The following TMEM39A variants were observed in gnomAD, a reference collection of about 807,000 sequenced individuals.
TMEM39A encodes the protein transmembrane protein 39A, also known as suppressor of SQST-1 aggregates in rpl-43 mutants.
Under a neutral mutation model 51.9 loss-of-function variants are expected in TMEM39A, and 19 were observed. The observed-to-expected ratio is 0.37, with a 90% CI of 0.26 to 0.54. The LOEUF is 0.54. Ranked by LOEUF, TMEM39A falls within the 20% of genes least tolerant of loss-of-function variation. The probability of loss-of-function intolerance (pLI) is 0.88; values close to 1 mark genes in which losing one functional copy is unlikely to be tolerated. For synonymous variants in TMEM39A, 197 were observed against 220.2 expected (o/e 0.89, Z 0.93); for missense variants, 433 against 590.5 (o/e 0.73, Z 2.76).
At chr3:119,437,212 C>G (rs1404102872) in intron 6 of TMEM39A, among the ~76,000 whole-genome samples, 1 of 152,120 alleles carries the variant, frequency 6.6e-6, no homozygotes, top group African/African-American at 2.4e-5. Context: ...TTAAGTGTCT[C>G]CTTTCTAGAA....
intron 2 of TMEM39A, among the ~76,000 whole-genome samples, chr3:119,460,376 G>A (rs555373666): frequency 6.6e-6 from 1 of 152,244 alleles, no homozygotes; most frequent in African/African-American, 2.4e-5. Flanking sequence ...TATACCATCT[G>A]CAGACTCTAA....
intron 7 of TMEM39A, chr3:119,436,042 T>C (rs765713991): frequency 6.3e-5 from 44 of 693,094 alleles, no homozygotes; most frequent in Non-Finnish European, 8.2e-5. Flanking sequence ...AATTTCTAGA[T>C]GAAATTTGTG....
At chr3:119,436,540 T>C in intron 7 of TMEM39A, 1 of 357,430 alleles carries the variant, frequency 2.8e-6, no homozygotes, top group East Asian at 4.5e-5. Context: ...AGTGCATTGC[T>C]TGGGAGACAA....
At chr3:119,437,251 C>A (rs2080981917) in intron 6 of TMEM39A, among the ~76,000 whole-genome samples, 2 of 152,090 alleles carry the variant, frequency 1.3e-5, no homozygotes, top group Admixed American at 6.5e-5. Context: ...AGGACCATTC[C>A]AGCTGCAGAA....
chr3:119,463,594 A>G lies in TMEM39A; in HGVS notation c.-333T>C. 2.5e-6 allele frequency: 1 copy of G among 398,740 alleles called. No individual in the cohort carries two copies. Among genetic ancestry groups the G allele is most frequent in the Non-Finnish European group, 4.4e-6 (1 of 226,138 alleles). 24.7% of individuals were successfully genotyped at this position (398,740 alleles called of 1,614,324 possible). ...GCCTGATACTTCAGCACCCATCCCT[A>G]GCCTCCATTACCGCGGAGCTGAGCA... is the stretch of plus-strand genomic sequence containing the variant. On this transcript the variant is annotated 5_prime_UTR_variant, in exon 1 of 9. Coordinates refer to ENST00000319172, the MANE Select transcript of TMEM39A (RefSeq NM_018266.3).
rs1003109222 is a variant in TMEM39A, at chr3:119,429,982, A to G, written c.*1999T>C. 5 of 151,998 alleles carry G rather than the reference A, an allele frequency of 3.3e-5. No homozygotes were observed. The highest frequency in any genetic ancestry group is 1.2e-4 in the African/African-American group (5 of 41,380). 9.4% of individuals were successfully genotyped at this position (151,998 alleles called of 1,614,324 possible). A position where few individuals can be genotyped will look rare whatever the true frequency, so the allele number is the denominator to read the frequency against. On this transcript the variant is annotated 3_prime_UTR_variant, in exon 9 of 9. Transcript: ENST00000319172. ...GCCAAGTTGGGGCAATTTTGATGAG[A>G]TATCTCTGTGCCCATGCCACCCATT...
chr3:119,435,418 A>C, intron 7 of TMEM39A: 1 of 982,526 alleles, frequency 1.0e-6, no homozygotes, highest in Non-Finnish European at 1.2e-6. Context: ...AGTAGAACAC[A>C]GCGATACATC....
chr3:119,450,058 T>G (rs1159687551), intron 4 of TMEM39A, among the ~76,000 whole-genome samples: 1 of 152,236 alleles, frequency 6.6e-6, no homozygotes, highest in East Asian at 1.9e-4. Flanking sequence ...TGATTTATGA[T>G]AGGTTTTATC....
chr3:119,445,767 T>C (rs936427082), intron 5 of TMEM39A, among the ~76,000 whole-genome samples: 5 of 152,230 alleles, frequency 3.3e-5, no homozygotes, highest in African/African-American at 7.2e-5. Flanking sequence ...TACACAGTTA[T>C]AGTAAAACAT....
chr3:119,446,344 G>C (rs750939749), intron 5 of TMEM39A, among the ~76,000 whole-genome samples: 4 of 151,920 alleles, frequency 2.6e-5, no homozygotes, highest in African/African-American at 7.2e-5. Context: ...CACCATGCCA[G>C]TCCATCTAAT....
intron 5 of TMEM39A, among the ~76,000 whole-genome samples, chr3:119,445,073 CT>C (rs985463244): frequency 6.6e-6 from 1 of 151,460 alleles, no homozygotes; most frequent in Non-Finnish European, 1.5e-5. Flanking sequence ...GAGCAAAACC[CT>C]GTCTCAAAAA....
Position 119,429,394 on chromosome 3 carries a change from C to T in TMEM39A, c.*2587G>A, listed in dbSNP as rs1483596807. 2 of 152,166 alleles carry T rather than the reference C, an allele frequency of 1.3e-5. No individual in the cohort carries two copies. The highest frequency in any genetic ancestry group is 2.9e-5 in the Non-Finnish European group (2 of 67,956). 9.4% of individuals were successfully genotyped at this position (152,166 alleles called of 1,614,324 possible). ...CTTTATTTACCCACCTTAGACCACCCAGACTAGTCAAGTATCTTCTTTCCT... is the reference window on the plus strand; with the variant it reads ...CTTTATTTACCCACCTTAGACCACCTAGACTAGTCAAGTATCTTCTTTCCT... On this transcript the variant is annotated 3_prime_UTR_variant, in exon 9 of 9. Transcript: ENST00000319172.
chr3:119,452,083 A>G (rs925950084), intron 4 of TMEM39A, among the ~76,000 whole-genome samples: 1 of 152,174 alleles, frequency 6.6e-6, no homozygotes, highest in African/African-American at 2.4e-5. Flanking sequence ...TATCAAGTGA[A>G]TATTATCTGG....
intron 4 of TMEM39A, 39 bp from the exon 5 acceptor site, chr3:119,447,211 T>C (rs1212321014): frequency 1.3e-6 from 2 of 1,595,256 alleles, no homozygotes; most frequent in Non-Finnish European, 1.7e-6. Context: ...ATTTTGTAAA[T>C]GATCTTCTTC....
Position 119,462,052 on chromosome 3 carries a change from G to A in TMEM39A, c.23C>T (p.Pro8Leu). 6.2e-7 allele frequency: 1 copy of A among 1,614,106 alleles called. No homozygotes were observed. The highest frequency in any genetic ancestry group is 8.5e-7 in the Non-Finnish European group (1 of 1,179,980). The change falls in exon 2 of 9, where the codon CCT (proline) becomes CTT (leucine). Residue 8 changes from proline to leucine, a missense_variant. Around this residue, in one of 3 missense-constraint regions of TMEM39A, gnomAD observed 170 missense variants for 239.8 expected, o/e 0.71. Coordinates refer to ENST00000319172, the MANE Select transcript of TMEM39A (RefSeq NM_018266.3). The part of the protein sequence containing the change: MPGGRRG[P>L]SRQQLSRSAL... ...TGAACGGCTTAGCTGTTGCCGACTA[G>A]GGCCCCTCCTTCCACCGGGCATGTC...
At chr3:119,449,858 C>A (rs2081175994) in intron 4 of TMEM39A, among the ~76,000 whole-genome samples, 1 of 152,170 alleles carries the variant, frequency 6.6e-6, no homozygotes, top group Non-Finnish European at 1.5e-5. Flanking sequence ...ACAGGCAGAG[C>A]TGGCCTGAAG....
At chr3:119,449,632 C>A (rs1218083072) in intron 4 of TMEM39A, among the ~76,000 whole-genome samples, 1 of 151,942 alleles carries the variant, frequency 6.6e-6, no homozygotes, top group Admixed American at 6.6e-5. Flanking sequence ...GCCCCCCACC[C>A]CCCAAAAAAA....
chr3:119,458,691 T>C (rs1256608256), intron 2 of TMEM39A, among the ~76,000 whole-genome samples: 1 of 152,012 alleles, frequency 6.6e-6, no homozygotes, highest in East Asian at 1.9e-4. Context: ...GGTCAGGAGT[T>C]CAAGACCAGC....
chr3:119,449,412 A>G (rs1437468227), intron 4 of TMEM39A, among the ~76,000 whole-genome samples: 1 of 152,070 alleles, frequency 6.6e-6, no homozygotes, highest in Non-Finnish European at 1.5e-5. Flanking sequence ...TGTCTCTACT[A>G]AAAATACAAA....
Sources: allele counts gnomAD v4.1 joint callset (sites outside exome capture counted in the v4.1 genomes callset), GRCh38; gene constraint gnomAD v4.1.1; regional missense constraint gnomAD v4.1.1; transcripts MANE v1.5; gene names NCBI Gene and HGNC (gene_info 2026-07-23, HGNC 2026-07-21).